Variants in EFNA5 observed in about 807,000 individuals in gnomAD.
The protein encoded by EFNA5 is ephrin A5, also known as ephrin-A5.
A neutral mutation model predicts 22.9 loss-of-function variants in EFNA5; 5 were observed. The ratio of observed to expected loss-of-function variants is 0.22; its 90% CI spans 0.11 to 0.46. The LOEUF is 0.46. Ranked by LOEUF, EFNA5 falls within the 20% of genes least tolerant of loss-of-function variation. The pLI is 0.99. For synonymous variants in EFNA5, 113 were observed against 112.2 expected (o/e 1.01, Z -0.04); for missense variants, 237 against 293.3 (o/e 0.81, Z 1.40).
intron 1 of EFNA5, among the ~76,000 whole-genome samples, chr5:107,563,618 A>G (rs995274279): frequency 6.6e-6 from 1 of 151,954 alleles, no homozygotes; most frequent in Non-Finnish European, 1.5e-5. Context: ...CATTTTTTGT[A>G]GAAATGGGGT....
intron 1 of EFNA5, among the ~76,000 whole-genome samples, chr5:107,542,102 T>G (rs531476765): frequency 5.9e-5 from 9 of 152,312 alleles, no homozygotes; most frequent in Admixed American, 5.9e-4. Flanking sequence ...AACTCTTCTA[T>G]TTCCCATATG....
At chr5:107,539,161 G>A (rs1747992703) in intron 1 of EFNA5, among the ~76,000 whole-genome samples, 1 of 152,218 alleles carries the variant, frequency 6.6e-6, no homozygotes, top group African/African-American at 2.4e-5. Context: ...CATTTTCTCA[G>A]AAAGATAATC....
chr5:107,510,573 C>T (rs1260769816), intron 1 of EFNA5, among the ~76,000 whole-genome samples: 3 of 152,150 alleles, frequency 2.0e-5, no homozygotes, highest in Admixed American at 6.5e-5. Context: ...GGTAATACTA[C>T]AATATGAATA....
intron 1 of EFNA5, among the ~76,000 whole-genome samples, chr5:107,616,787 G>A (rs1749925425): frequency 6.6e-6 from 1 of 152,166 alleles, no homozygotes; most frequent in African/African-American, 2.4e-5. Flanking sequence ...ATCACACTGT[G>A]AGAACTTTTA....
chr5:107,448,596 T>C lies in EFNA5; in HGVS notation c.126-21087A>G, dbSNP rs566252347. ...CCGTAATCCCAGCACTTTGGAAGGCTGAGGCGGGCGGATCACGAGATCAGG... is the reference window on the plus strand; with the variant it reads ...CCGTAATCCCAGCACTTTGGAAGGCCGAGGCGGGCGGATCACGAGATCAGG... On this transcript the variant is annotated intron_variant, in intron 1 of 4. Transcript: ENST00000333274. Among the ~76,000 whole-genome samples the C allele has an allele frequency of 2.1e-3, 316 of 152,022 alleles. 1 individual carries two copies. The highest frequency in any genetic ancestry group is 7.4e-3 in the African/African-American group (307 of 41,466).
At chr5:107,670,447 G>C (rs1346833385) in intron 1 of EFNA5, 42 bp downstream of exon 1, 1 of 1,529,378 alleles carries the variant, frequency 6.5e-7, no homozygotes, top group Admixed American at 2.1e-5. Context: ...GCAGGGCCCC[G>C]AGGCCCGGGT....
At chr5:107,662,863 T>C (rs1374698665) in intron 1 of EFNA5, among the ~76,000 whole-genome samples, 1 of 150,666 alleles carries the variant, frequency 6.6e-6, no homozygotes. Flanking sequence ...AAATCAGGAT[T>C]TGAGGGTGGA....
chr5:107,490,797 C>T (rs1282288695), intron 1 of EFNA5, among the ~76,000 whole-genome samples: 1 of 152,200 alleles, frequency 6.6e-6, no homozygotes, highest in Non-Finnish European at 1.5e-5. Flanking sequence ...GTGTCACCAT[C>T]CAGTGGGGAA....
intron 4 of EFNA5, among the ~76,000 whole-genome samples, chr5:107,384,763 A>G (rs1427041744): frequency 1.7e-5 from 2 of 116,146 alleles, no homozygotes; most frequent in African/African-American, 3.4e-5. Flanking sequence ...AGGCACACAC[A>G]CCACATTTTT....
chr5:107,636,264 C>T (rs1750372250), intron 1 of EFNA5, among the ~76,000 whole-genome samples: 1 of 152,154 alleles, frequency 6.6e-6, no homozygotes, highest in Non-Finnish European at 1.5e-5. Flanking sequence ...AAAAAAAGTC[C>T]TTGAATCAAG....
At chr5:107,404,563 G>A (rs941706212) in intron 2 of EFNA5, among the ~76,000 whole-genome samples, 4 of 152,060 alleles carry the variant, frequency 2.6e-5, no homozygotes, top group East Asian at 1.9e-4. Flanking sequence ...ACATTTCTTC[G>A]AGGCAGGTAT....
At chr5:107,608,006 T>G (rs190057894) in intron 1 of EFNA5, among the ~76,000 whole-genome samples, 2 of 152,102 alleles carry the variant, frequency 1.3e-5, no homozygotes, top group Non-Finnish European at 2.9e-5. Context: ...TTCATGGAAA[T>G]TTTTAAAATT....
At position 107,380,932 on chromosome 5, in the gene EFNA5, G is replaced by T; in HGVS notation, c.*323C>A. On this transcript the variant is annotated 3_prime_UTR_variant, in exon 5 of 5. Transcript: ENST00000333274. ...GCGCTAACGGAGGTGAGTTCTTAGA[G>T]GAGAATGCACAGGAGCTGACGAACC... is the stretch of plus-strand genomic sequence containing the variant. 1 of 447,900 alleles carries T rather than the reference G, an allele frequency of 2.2e-6. No individual in the cohort carries two copies. The highest frequency in any genetic ancestry group is 3.1e-5 in the East Asian group (1 of 31,846). The allele number at this position is 447,900 out of a possible 1,614,324, so 27.7% of individuals were successfully genotyped here.
chr5:107,392,942 A>G (rs1203965778), intron 2 of EFNA5, among the ~76,000 whole-genome samples: 1 of 152,256 alleles, frequency 6.6e-6, no homozygotes, highest in Non-Finnish European at 1.5e-5. Context: ...AGACATATCA[A>G]TTTAAATGTT....
intron 1 of EFNA5, among the ~76,000 whole-genome samples, chr5:107,466,412 G>A (rs1749984419): frequency 2.0e-5 from 3 of 152,082 alleles, no homozygotes; most frequent in Non-Finnish European, 4.4e-5. Flanking sequence ...TGCTGGGAAA[G>A]GTTTCTCTCT....
chr5:107,501,765 T>A (rs1286389424), intron 1 of EFNA5, among the ~76,000 whole-genome samples: 3 of 152,148 alleles, frequency 2.0e-5, no homozygotes, highest in Non-Finnish European at 4.4e-5. Context: ...TAACCTGAAT[T>A]AACGAATGCT....
At position 107,491,748 on chromosome 5, in the gene EFNA5, G is replaced by A. The variant is rs891669956; in HGVS notation, c.126-64239C>T. ...AATAGTTGGAAAATAGGAGTGGGAA[G>A]AAGACATGTTTTTCACTGTATACCC... On this transcript the variant is annotated intron_variant, in intron 1 of 4. Transcript: ENST00000333274. Among the ~76,000 whole-genome samples the A allele has an allele frequency of 2.6e-5, 4 of 152,210 alleles. No individual in the cohort carries two copies. In the South Asian group the frequency reaches 8.3e-4, roughly 32 times the overall value.
At chr5:107,521,559 C>G (rs1292722622) in intron 1 of EFNA5, among the ~76,000 whole-genome samples, 2 of 150,976 alleles carry the variant, frequency 1.3e-5, no homozygotes, top group African/African-American at 4.9e-5. Flanking sequence ...AACCCTCCCA[C>G]CTCAGCCTCC....
intron 2 of EFNA5, among the ~76,000 whole-genome samples, chr5:107,405,135 G>T (rs1055674434): frequency 3.9e-5 from 6 of 152,092 alleles, no homozygotes; most frequent in Non-Finnish European, 8.8e-5. Context: ...AGCGATACTC[G>T]CCATGAAAGA....
Sources: gnomAD v4.1 joint callset for allele counts (sites outside exome capture counted in the v4.1 genomes callset) on GRCh38, gnomAD v4.1.1 for gene constraint, MANE v1.5 for transcripts, NCBI Gene and HGNC (gene_info 2026-07-23, HGNC 2026-07-21) for gene names.